Variants in PCDHAC1 observed in about 807,000 individuals in gnomAD.
The protein encoded by PCDHAC1 is protocadherin alpha-C1.
A neutral mutation model predicts 60.0 loss-of-function variants in PCDHAC1; 42 were observed. The ratio of observed to expected loss-of-function variants is 0.70; its 90% CI spans 0.55 to 0.90. The LOEUF (loss-of-function observed/expected upper bound fraction) is 0.90. PCDHAC1 is among the 40% of genes least tolerant of loss of function. PCDHAC1 has a pLI of 0.00. For missense variants in PCDHAC1, 1,160 were observed against 1,222.3 expected (o/e 0.95, Z 0.76); for synonymous variants, 468 against 499.3 (o/e 0.94, Z 0.84).
chr5:140,946,936 A>T (rs1344601116), intron 1 of PCDHAC1, among the ~76,000 whole-genome samples: 1 of 151,482 alleles, frequency 6.6e-6, no homozygotes, highest in Non-Finnish European at 1.5e-5. Context: ...AGTAGAGTGT[A>T]GTTAAGAATA....
At chr5:140,962,781 T>A (rs1466674099) in intron 1 of PCDHAC1, among the ~76,000 whole-genome samples, 1 of 152,228 alleles carries the variant, frequency 6.6e-6, no homozygotes, top group African/African-American at 2.4e-5. Context: ...ATGGAATTTT[T>A]AAAAACTACT....
At chr5:140,968,961 A>G (rs1554231270) in intron 1 of PCDHAC1, 1 of 1,614,088 alleles carries the variant, frequency 6.2e-7, no homozygotes, top group African/African-American at 1.3e-5. Context: ...ATCAAGTGCT[A>G]CCGCTACACT....
intron 1 of PCDHAC1, among the ~76,000 whole-genome samples, chr5:140,959,564 G>T (rs1440482785): frequency 6.6e-6 from 1 of 152,072 alleles, no homozygotes; most frequent in Non-Finnish European, 1.5e-5. Flanking sequence ...ATCAGTACTA[G>T]ATTTTTTGTT....
At position 140,929,175 on chromosome 5, in the gene PCDHAC1, A is replaced by G. The variant is rs1554206790; in HGVS notation, c.2283A>G (p.Gly761=). 2 of 1,614,126 alleles carry G rather than the reference A, an allele frequency of 1.2e-6. No homozygotes were observed. Among genetic ancestry groups the G allele is most frequent in the East Asian group, 4.5e-5 (2 of 44,876 alleles). The change falls in exon 1 of 4, where the codon GGA becomes GGG. Residue 761 remains glycine, a synonymous_variant. Transcript: ENST00000253807. ...SQTYLYRASL[G]LGSDNNSLLL... is the part of the protein sequence containing the mutation. The stretch of plus-strand genomic sequence containing the variant: ...CTTATCTCTATCGGGCCTCTCTGGG[A>G]CTTGGTTCTGATAATAACAGTTTGC...
At chr5:140,954,065 G>A (rs2153701349) in intron 1 of PCDHAC1, among the ~76,000 whole-genome samples, 1 of 152,278 alleles carries the variant, frequency 6.6e-6, no homozygotes, top group African/African-American at 2.4e-5. Context: ...TTATTATGCT[G>A]AGGATAATGG....
chr5:140,985,739 CTTTTTTT>C (rs11372071), intron 3 of PCDHAC1, among the ~76,000 whole-genome samples: 2 of 117,922 alleles, frequency 1.7e-5, no homozygotes, highest in African/African-American at 6.4e-5. Flanking sequence ...TGATGAATTC[CTTTTTTT>C]TTTTTTTTTT....
chr5:140,952,841 C>T (rs2094805193), intron 1 of PCDHAC1, among the ~76,000 whole-genome samples: 1 of 152,102 alleles, frequency 6.6e-6, no homozygotes, highest in South Asian at 2.1e-4. Context: ...TGGCCATCTG[C>T]TTGTCTTCTG....
intron 3 of PCDHAC1, among the ~76,000 whole-genome samples, chr5:140,983,223 C>T (rs2153830857): frequency 6.6e-6 from 1 of 152,270 alleles, no homozygotes; most frequent in Admixed American, 6.5e-5. Context: ...CTAATCCAAA[C>T]TTTCAGGAAA....
intron 3 of PCDHAC1, among the ~76,000 whole-genome samples, chr5:140,992,388 G>A (rs2097508351): frequency 6.6e-6 from 1 of 152,120 alleles, no homozygotes; most frequent in Non-Finnish European, 1.5e-5. Context: ...TTGTGTTCTG[G>A]ACTTAGAGAT....
intron 1 of PCDHAC1, among the ~76,000 whole-genome samples, chr5:140,941,369 T>C (rs2093052615): frequency 6.8e-6 from 1 of 147,356 alleles, no homozygotes; most frequent in Non-Finnish European, 1.5e-5. Context: ...TAGGCTGGAG[T>C]GTAGTGACAG....
At position 140,978,994 on chromosome 5, in the gene PCDHAC1, GCAGGCATGCA is replaced by G; in HGVS notation, c.2484_2492+1del. 3 of 1,614,152 alleles carry G rather than the reference GCAGGCATGCA, an allele frequency of 1.9e-6. No homozygotes were observed. The highest frequency in any genetic ancestry group is 8.5e-7 in the Non-Finnish European group (1 of 1,180,022). ...CTGGCGTTACTCTGCCTCCCTGAGA[GCAGGCATGCA>G]CAGGTATGTATTTCCCTCCTCATTC... On this transcript the variant is annotated frameshift_variant, in exon 2 of 4. Transcript: ENST00000253807. LOFTEE classifies it high-confidence loss of function.
At chr5:140,937,378 G>A (rs1248709474) in intron 1 of PCDHAC1, among the ~76,000 whole-genome samples, 2 of 152,248 alleles carry the variant, frequency 1.3e-5, no homozygotes, top group East Asian at 1.9e-4. Context: ...GTTTATGTGT[G>A]TGTATGTGTA....
chr5:140,941,255 C>CTTTCTTTTTCTT (rs782490896), intron 1 of PCDHAC1, among the ~76,000 whole-genome samples: 1 of 44,508 alleles, frequency 2.2e-5, no homozygotes, highest in Non-Finnish European at 5.1e-5. Context: ...TTCTTTCTTT[C>CTTTCTTTTTCTT]TCTTTCTTTC....
rs760426957 is a variant in PCDHAC1, at chr5:141,009,783, G to A, written c.2738G>A (p.Arg913Gln). 2.5e-6 allele frequency: 4 copies of A among 1,613,880 alleles called. No individual in the cohort carries two copies. Among genetic ancestry groups the A allele is most frequent in the Admixed American group, 3.3e-5 (2 of 59,976 alleles). Reference protein sequence around the residue: ...IPGSPAIISIRQEPTNSQIDK... With the variant: ...IPGSPAIISIQQEPTNSQIDK... ...GGATCTCCTGCAATCATCTCCATCC[G>A]GCAGGAGCCTACTAACAGCCAAATT... is the stretch of plus-strand genomic sequence containing the variant. Residue 913 changes from arginine (R) to glutamine (Q), a missense_variant, in exon 4 of 4, where the codon CGG becomes CAG. Transcript: ENST00000253807.
In PCDHAC1 at chr5:140,978,000, T is replaced by G. The variant is rs564788160; in HGVS notation, c.2434-949T>G. 2.0e-5 allele frequency among the ~76,000 whole-genome samples: 3 copies of G among 152,212 alleles called. No homozygotes were observed. In the South Asian group the frequency reaches 6.2e-4, roughly 32 times the overall value. On this transcript the variant is annotated intron_variant, in intron 1 of 3. Coordinates refer to ENST00000253807, the MANE Select transcript of PCDHAC1 (RefSeq NM_018898.5). ...AACGCATCTAGAGGAGTGTCACAAG[T>G]TTTTCACAGTGACATTTTTGCTTAC...
chr5:140,932,203 T>C (rs1415160763), intron 1 of PCDHAC1, among the ~76,000 whole-genome samples: 1 of 151,924 alleles, frequency 6.6e-6, no homozygotes, highest in Non-Finnish European at 1.5e-5. Context: ...TCTGTTAATA[T>C]TCTTGATGGG....
intron 1 of PCDHAC1, among the ~76,000 whole-genome samples, chr5:140,963,771 G>A (rs2095789886): frequency 6.6e-6 from 1 of 152,164 alleles, no homozygotes; most frequent in South Asian, 2.1e-4. Context: ...ATTTCATGAC[G>A]ACAGCAACAA....
intron 3 of PCDHAC1, among the ~76,000 whole-genome samples, chr5:140,998,715 C>T (rs535565356): frequency 2.6e-5 from 4 of 152,236 alleles, no homozygotes; most frequent in African/African-American, 9.6e-5. Flanking sequence ...CAAGCTTGCA[C>T]CACCACGCTA....
rs1304732952 is a variant in PCDHAC1, at chr5:140,927,075, C to A, written c.183C>A (p.His61Gln). The change falls in exon 1 of 4, where the codon CAC (histidine) becomes CAA (glutamine). Residue 61 changes from histidine (H) to glutamine (Q), a missense_variant. Coordinates refer to ENST00000253807, the MANE Select transcript of PCDHAC1 (RefSeq NM_018898.5). ...SSRNFRFLSS[H>Q]RELYFGVDLP... is the part of the protein sequence containing the mutation. The stretch of plus-strand genomic sequence containing the variant: ...GGAACTTTCGCTTCCTTTCCAGCCA[C>A]CGCGAGCTCTACTTCGGGGTGGATC... 3 of 1,611,070 alleles carry A rather than the reference C, an allele frequency of 1.9e-6. No homozygotes were observed. The highest frequency in any genetic ancestry group is 2.5e-6 in the Non-Finnish European group (3 of 1,177,862).
Sources: gnomAD v4.1 joint callset for allele counts (sites outside exome capture counted in the v4.1 genomes callset) on GRCh38, gnomAD v4.1.1 for gene constraint, MANE v1.5 for transcripts, NCBI Gene and HGNC (gene_info 2026-07-23, HGNC 2026-07-21) for gene names.